The following CNTNAP4 variants were observed in gnomAD, a reference collection of about 807,000 sequenced individuals.
CNTNAP4 encodes the protein contactin-associated protein-like 4.
CNTNAP4 carries 98 observed loss-of-function variants against 148.4 expected under a neutral mutation model. The observed-to-expected ratio is 0.66, with a 90% CI of 0.56 to 0.78. The LOEUF (loss-of-function observed/expected upper bound fraction) is 0.78, where lower values mean the gene tolerates loss of function less well. Ranked by LOEUF, CNTNAP4 falls within the 30% of genes least tolerant of loss-of-function variation. The probability of loss-of-function intolerance (pLI) is 0.00; values close to 1 mark genes in which losing one functional copy is unlikely to be tolerated. For missense variants in CNTNAP4, 1,935 were observed against 1,565.6 expected (o/e 1.24, Z -3.98); for synonymous variants, 730 against 565.1 (o/e 1.29, Z -4.14).
intron 9 of CNTNAP4, among the ~76,000 whole-genome samples, chr16:76,467,103 T>C (rs1395645395): frequency 6.6e-6 from 1 of 152,152 alleles, no homozygotes; most frequent in Non-Finnish European, 1.5e-5. Flanking sequence ...CAAATCTAGA[T>C]CAAGTTAATA....
chr16:76,504,728 A>C (rs2082777630), intron 15 of CNTNAP4, among the ~76,000 whole-genome samples: 1 of 152,298 alleles, frequency 6.6e-6, no homozygotes, highest in Non-Finnish European at 1.5e-5. Context: ...ATAGAGGCTA[A>C]TACCCAGAAT....
rs371414906 is a variant in CNTNAP4, at chr16:76,456,942, G to A, written c.1333+4173G>A. Among the ~76,000 whole-genome samples, 4 of 152,188 alleles carry A rather than the reference G, an allele frequency of 2.6e-5. No homozygotes were observed. In the East Asian group the frequency reaches 7.7e-4, roughly 29 times the overall value. On this transcript the variant is annotated intron_variant, in intron 8 of 23. Transcript: ENST00000611870. ...TTTAAGGTGAGAATGATAAGTTATA[G>A]TGAAGATTAAATGATACTATGCATA...
At chr16:76,345,782 G>C (rs1290046731) in intron 2 of CNTNAP4, among the ~76,000 whole-genome samples, 1 of 152,182 alleles carries the variant, frequency 6.6e-6, no homozygotes, top group Non-Finnish European at 1.5e-5. Flanking sequence ...ACCTCAAGGG[G>C]CAGAGACAGA....
chr16:76,435,222 A>T (rs1427159393), intron 4 of CNTNAP4, among the ~76,000 whole-genome samples: 3 of 152,076 alleles, frequency 2.0e-5, no homozygotes, highest in African/African-American at 7.2e-5. Context: ...TGTTTTTATA[A>T]TTCAAATGAG....
intron 3 of CNTNAP4, among the ~76,000 whole-genome samples, chr16:76,375,308 G>A (rs1019880244): frequency 6.6e-6 from 1 of 152,134 alleles, no homozygotes; most frequent in Non-Finnish European, 1.5e-5. Context: ...TGCAGTCCCA[G>A]CTACTGGGGA....
chr16:76,355,461 A>G lies in CNTNAP4; in HGVS notation c.340A>G (p.Ser114Gly), dbSNP rs1298955469. Residue 114 changes from serine (S) to glycine (G), a missense_variant, in exon 3 of 24, where the codon AGT becomes GGT. Transcript: ENST00000611870. ...NWVTSYLLMFSDSGWNWKQYR... is the reference protein window; with the variant it reads ...NWVTSYLLMFGDSGWNWKQYR... ...GGTGACCAGCTACCTCCTGATGTTCAGTGATAGTGGCTGGAACTGGAAACA... is the reference window on the plus strand; with the variant it reads ...GGTGACCAGCTACCTCCTGATGTTCGGTGATAGTGGCTGGAACTGGAAACA... 9 of 1,613,090 alleles carry G rather than the reference A, an allele frequency of 5.6e-6. No individual in the cohort carries two copies. Among genetic ancestry groups the G allele is most frequent in the East Asian group, 2.2e-5 (1 of 44,762 alleles).
chr16:76,435,000 T>G (rs1490474102), intron 4 of CNTNAP4, among the ~76,000 whole-genome samples: 1 of 152,124 alleles, frequency 6.6e-6, no homozygotes, highest in African/African-American at 2.4e-5. Flanking sequence ...GTCCCTGAAG[T>G]GCCTGATTAT....
At chr16:76,376,406 G>T (rs1052273352) in intron 3 of CNTNAP4, among the ~76,000 whole-genome samples, 2 of 152,252 alleles carry the variant, frequency 1.3e-5, no homozygotes, top group South Asian at 4.1e-4. Flanking sequence ...GGAGTGAGAG[G>T]ATTCAAATCA....
At position 76,355,379 on chromosome 16, in the gene CNTNAP4, A is replaced by T; in HGVS notation, c.258A>T (p.Gly86=). ...ACCAGTGGTTGCAGATTGACCTTGG[A>T]GAGAGAATGGAGGTCACCGCTGTGG... is the stretch of plus-strand genomic sequence containing the variant. ...NKYQWLQIDL[G]ERMEVTAVAT... Residue 86 remains glycine, a synonymous_variant, in exon 3 of 24, where the codon GGA becomes GGT. Coordinates refer to ENST00000611870, the MANE Select transcript of CNTNAP4 (RefSeq NM_033401.5). 6.2e-7 allele frequency: 1 copy of T among 1,608,062 alleles called. No individual in the cohort carries two copies. Among genetic ancestry groups the T allele is most frequent in the Non-Finnish European group, 8.5e-7 (1 of 1,176,842 alleles).
chr16:76,559,442 T>C lies in CNTNAP4; in HGVS notation c.*759T>C, dbSNP rs1333112483. On this transcript the variant is annotated 3_prime_UTR_variant, in exon 24 of 24. Transcript: ENST00000611870. Reference sequence around the variant, plus strand: ...TTCCAATTAATTTGCTACCATTGTTTGATGGTGACAGTACTTAAGACCCTG... The same window carrying C: ...TTCCAATTAATTTGCTACCATTGTTCGATGGTGACAGTACTTAAGACCCTG... Among the ~76,000 whole-genome samples the C allele has an allele frequency of 6.6e-6, 1 of 152,188 alleles. No individual in the cohort carries two copies. Among genetic ancestry groups the C allele is most frequent in the African/African-American group, 2.4e-5 (1 of 41,438 alleles).
intron 1 of CNTNAP4, among the ~76,000 whole-genome samples, chr16:76,296,872 G>A (rs1051889660): frequency 6.6e-6 from 1 of 152,154 alleles, no homozygotes; most frequent in African/African-American, 2.4e-5. Flanking sequence ...TCTCCAGTGT[G>A]TTCTGTAGCA....
chr16:76,430,547 T>A (rs1041360666), intron 4 of CNTNAP4, among the ~76,000 whole-genome samples: 1 of 152,098 alleles, frequency 6.6e-6, no homozygotes, highest in Non-Finnish European at 1.5e-5. Context: ...AAAAGTGGTG[T>A]TGGGGAGTGG....
intron 1 of CNTNAP4, among the ~76,000 whole-genome samples, chr16:76,296,100 A>C (rs1959265498): frequency 6.6e-6 from 1 of 152,258 alleles, no homozygotes; most frequent in African/African-American, 2.4e-5. Context: ...TCTACAATGC[A>C]ATGTTTGAGG....
At chr16:76,381,921 T>G (rs954167211) in intron 3 of CNTNAP4, among the ~76,000 whole-genome samples, 2 of 151,214 alleles carry the variant, frequency 1.3e-5, no homozygotes, top group African/African-American at 4.9e-5. Context: ...TAGCTGGGCG[T>G]GGTGGTGGGT....
intron 3 of CNTNAP4, among the ~76,000 whole-genome samples, chr16:76,399,923 G>C (rs1339779736): frequency 1.3e-5 from 2 of 152,126 alleles, no homozygotes; most frequent in Non-Finnish European, 2.9e-5. Flanking sequence ...ACATGTTGCT[G>C]GGGTAATTAT....
At chr16:76,320,323 G>T (rs1269830884) in intron 2 of CNTNAP4, among the ~76,000 whole-genome samples, 1 of 152,148 alleles carries the variant, frequency 6.6e-6, no homozygotes, top group Non-Finnish European at 1.5e-5. Context: ...TCTCCTTGAA[G>T]CTTATAGCAA....
intron 10 of CNTNAP4, among the ~76,000 whole-genome samples, chr16:76,468,328 G>A (rs2081249480): frequency 6.6e-6 from 1 of 151,936 alleles, no homozygotes; most frequent in Admixed American, 6.6e-5. Context: ...ACAAAAATTA[G>A]CTGGGCATGG....
At chr16:76,346,119 A>G (rs922408654) in intron 2 of CNTNAP4, among the ~76,000 whole-genome samples, 2 of 152,162 alleles carry the variant, frequency 1.3e-5, no homozygotes, top group African/African-American at 4.8e-5. Context: ...TGTATTCAAG[A>G]CCGAATTCAA....
chr16:76,302,369 G>T (rs1960064259), intron 1 of CNTNAP4, among the ~76,000 whole-genome samples: 1 of 152,050 alleles, frequency 6.6e-6, no homozygotes, highest in Non-Finnish European at 1.5e-5. Flanking sequence ...ACGTTAATTA[G>T]CAGAATTTCC....
Sources: gnomAD v4.1 joint callset for allele counts (sites outside exome capture counted in the v4.1 genomes callset) on GRCh38, gnomAD v4.1.1 for gene constraint, MANE v1.5 for transcripts, NCBI Gene and HGNC (gene_info 2026-07-23, HGNC 2026-07-21) for gene names.